Variants in ERCC6L2 observed in about 807,000 individuals in gnomAD.
ERCC6L2 encodes DNA excision repair protein ERCC-6-like 2.
Under a neutral mutation model 132.0 loss-of-function variants are expected in ERCC6L2, and 77 were observed. The observed-to-expected ratio is 0.58, with a 90% CI of 0.49 to 0.71. The LOEUF (loss-of-function observed/expected upper bound fraction) is 0.71, where lower values mean the gene tolerates loss of function less well. Ranked by LOEUF, ERCC6L2 falls within the 30% of genes least tolerant of loss-of-function variation. The probability of loss-of-function intolerance (pLI) is 0.00; values close to 1 mark genes in which losing one functional copy is unlikely to be tolerated. For synonymous variants in ERCC6L2, 583 were observed against 632.4 expected, an observed-to-expected ratio of 0.92 and a Z score of 1.17; for missense variants, 1,542 against 1,837.6, an observed-to-expected ratio of 0.84 and a Z score of 2.94.
chr9:95,961,706 T>C (rs1831910222), intron 13 of ERCC6L2, among the ~76,000 whole-genome samples: 1 of 152,110 alleles, frequency 6.6e-6, no homozygotes, highest in African/African-American at 2.4e-5. Flanking sequence ...GTACAAAATA[T>C]AAAGAACTCC....
chr9:95,886,344 A>T (rs1212091546), intron 2 of ERCC6L2, among the ~76,000 whole-genome samples: 3 of 151,396 alleles, frequency 2.0e-5, no homozygotes, highest in African/African-American at 7.3e-5. Context: ...ACATAGGATG[A>T]TGATCATTTC....
chr9:96,007,880 G>C (rs1046897117), intron 18 of ERCC6L2, among the ~76,000 whole-genome samples: 15 of 152,150 alleles, frequency 9.9e-5, no homozygotes, highest in Admixed American at 4.6e-4. Context: ...AATGTCTCTG[G>C]GTTCAAAGTA....
chr9:96,024,861 T>A (rs1834340435), intron 19 of ERCC6L2, among the ~76,000 whole-genome samples: 1 of 152,232 alleles, frequency 6.6e-6, no homozygotes. Context: ...ACTCAGTTAA[T>A]CGCATTGCTT....
chr9:95,987,014 T>G (rs1833121848), intron 17 of ERCC6L2, among the ~76,000 whole-genome samples: 2 of 152,138 alleles, frequency 1.3e-5, no homozygotes, highest in Admixed American at 1.3e-4. Context: ...AACCCCTTAT[T>G]AAACCATCAC....
chr9:96,001,176 G>T (rs1425132270), intron 17 of ERCC6L2, among the ~76,000 whole-genome samples: 6 of 152,208 alleles, frequency 3.9e-5, no homozygotes, highest in African/African-American at 1.4e-4. Context: ...CATAAAAGCA[G>T]CGTGGACCCA....
intron 12 of ERCC6L2, among the ~76,000 whole-genome samples, chr9:95,942,731 C>G (rs138176020): frequency 6.6e-6 from 1 of 151,748 alleles, no homozygotes; most frequent in Non-Finnish European, 1.5e-5. Flanking sequence ...GACTGGAGGA[C>G]GGGAGATAAT....
chr9:95,904,044 C>G (rs895214518), intron 3 of ERCC6L2, among the ~76,000 whole-genome samples: 3 of 152,020 alleles, frequency 2.0e-5, no homozygotes, highest in African/African-American at 7.2e-5. Context: ...TATGAAATAA[C>G]TGCAGCATAC....
At chr9:95,885,107 GA>G (rs1251972133) in intron 2 of ERCC6L2, among the ~76,000 whole-genome samples, 1 of 152,080 alleles carries the variant, frequency 6.6e-6, no homozygotes, top group East Asian at 1.9e-4. Context: ...GCAGGTTGCA[GA>G]TTTTTTTTTG....
At chr9:95,888,659 C>T (rs1828001349) in intron 2 of ERCC6L2, among the ~76,000 whole-genome samples, 1 of 152,106 alleles carries the variant, frequency 6.6e-6, no homozygotes, top group Non-Finnish European at 1.5e-5. Flanking sequence ...TTTCCTTTGC[C>T]TTCTTAGAGT....
intron 12 of ERCC6L2, among the ~76,000 whole-genome samples, chr9:95,944,335 G>T (rs569388918): frequency 6.6e-6 from 1 of 152,306 alleles, no homozygotes; most frequent in Admixed American, 6.5e-5. Context: ...AATCCATAGA[G>T]ATAGAAAGTA....
At chr9:95,974,995 T>G (rs566514935) in intron 16 of ERCC6L2, among the ~76,000 whole-genome samples, 8 of 152,258 alleles carry the variant, frequency 5.3e-5, no homozygotes, top group Middle Eastern at 3.4e-3. Flanking sequence ...GCCCCATGTT[T>G]GCTCATTTGC....
At chr9:95,983,872 C>G (rs560038314) in intron 17 of ERCC6L2, among the ~76,000 whole-genome samples, 3 of 152,194 alleles carry the variant, frequency 2.0e-5, no homozygotes, top group African/African-American at 7.2e-5. Flanking sequence ...AGGCTTACAT[C>G]GCTGTGGTCT....
chr9:96,000,728 G>C (rs974268086), intron 17 of ERCC6L2, among the ~76,000 whole-genome samples: 4 of 152,068 alleles, frequency 2.6e-5, no homozygotes, highest in Non-Finnish European at 5.9e-5. Context: ...TTGAGCCCAG[G>C]GTCTTGCAGC....
In ERCC6L2 at chr9:96,017,525, CAG is replaced by C. The variant is rs1246822463; in HGVS notation, c.*4323_*4324del. Among the ~76,000 whole-genome samples, 3 of 152,180 alleles carry C rather than the reference CAG, an allele frequency of 2.0e-5. No individual in the cohort carries two copies. The highest frequency in any genetic ancestry group is 4.8e-5 in the African/African-American group (2 of 41,452). On this transcript the variant is annotated 3_prime_UTR_variant, in exon 19 of 19. Transcript: ENST00000653738. The stretch of plus-strand genomic sequence containing the variant: ...CAGGGTCCTCATCAAGAGACTGAAT[CAG>C]GGGGTCTAGGGCTCAGCACAGGCAC...
chr9:95,924,566 T>A (rs912400125), intron 9 of ERCC6L2, among the ~76,000 whole-genome samples: 2 of 152,076 alleles, frequency 1.3e-5, no homozygotes, highest in Non-Finnish European at 2.9e-5. Context: ...AATTATAGCC[T>A]CCTCTGAAAA....
chr9:96,000,215 A>G (rs1459450146), intron 17 of ERCC6L2, among the ~76,000 whole-genome samples: 1 of 152,176 alleles, frequency 6.6e-6, no homozygotes. Context: ...ATATATTTTT[A>G]AGGAAAGTAC....
downstream of ERCC6L2, among the ~76,000 whole-genome samples, chr9:96,022,842 G>T (rs1834313803): frequency 6.6e-6 from 1 of 152,116 alleles, no homozygotes; most frequent in East Asian, 1.9e-4. Flanking sequence ...CCCCACAGCC[G>T]CCTCTGCTTT....
intron 17 of ERCC6L2, among the ~76,000 whole-genome samples, chr9:95,998,011 T>C (rs1016429075): frequency 1.9e-4 from 29 of 152,366 alleles, no homozygotes; most frequent in African/African-American, 6.7e-4. Flanking sequence ...GATATTGTTT[T>C]TCAAAAGACA....
At chr9:95,949,749 C>T (rs1040558423) in intron 12 of ERCC6L2, among the ~76,000 whole-genome samples, 3 of 152,140 alleles carry the variant, frequency 2.0e-5, no homozygotes, top group African/African-American at 7.2e-5. Flanking sequence ...GTGGCTCACG[C>T]CTGTAATCCC....
Sources: allele counts gnomAD v4.1 joint callset (sites outside exome capture counted in the v4.1 genomes callset), GRCh38; gene constraint gnomAD v4.1.1; transcripts MANE v1.5; gene names NCBI Gene and HGNC (gene_info 2026-07-23, HGNC 2026-07-21).